The following C6 variants were observed in gnomAD, a reference collection of about 807,000 sequenced individuals.
C6 encodes complement C6.
Under a neutral mutation model 112.9 loss-of-function variants are expected in C6, and 101 were observed. The observed-to-expected ratio is 0.89, with a 90% confidence interval of 0.76 to 1.06. The LOEUF is 1.06. Ranked by LOEUF, C6 falls within the 50% of genes least tolerant of loss-of-function variation. The probability of loss-of-function intolerance (pLI) is 0.00; values close to 1 mark genes in which losing one functional copy is unlikely to be tolerated. For missense variants in C6, 1,202 were observed against 1,104.6 expected (o/e 1.09, Z -1.25); for synonymous variants, 431 against 384.1 (o/e 1.12, Z -1.43).
At chr5:41,237,062 C>T (rs373179700) in intron 1 of C6, among the ~76,000 whole-genome samples, 1 of 146,504 alleles carries the variant, frequency 6.8e-6, no homozygotes, top group African/African-American at 2.6e-5. Context: ...CAATAACAGG[C>T]TCTGAAATTG....
At chr5:41,216,266 C>G (rs1019621435), upstream of C6, among the ~76,000 whole-genome samples, 3 of 152,136 alleles carry the variant, frequency 2.0e-5, no homozygotes, top group African/African-American at 7.2e-5. Context: ...CAACTATTCT[C>G]TCAATGACCA....
chr5:41,172,378 G>A (rs1296003082), intron 8 of C6, 31 bp from the exon 9 acceptor site: 3 of 1,610,480 alleles, frequency 1.9e-6, no homozygotes, highest in Non-Finnish European at 2.5e-6. Flanking sequence ...AGAAACCACT[G>A]AGAATGCACC....
At chr5:41,241,257 AGGCTCTGT>A (rs1447145044) in intron 1 of C6, among the ~76,000 whole-genome samples, 1 of 152,208 alleles carries the variant, frequency 6.6e-6, no homozygotes, top group Non-Finnish European at 1.5e-5. Context: ...GGTGGCTCTC[AGGCTCTGT>A]GGAGCTCATG....
intron 3 of C6, among the ~76,000 whole-genome samples, chr5:41,200,413 T>C (rs560815913): frequency 2.6e-5 from 4 of 152,266 alleles, no homozygotes; most frequent in Non-Finnish European, 5.9e-5. Context: ...CAAGGGAGAA[T>C]AGAAATATGA....
At position 41,159,245 on chromosome 5, in the gene C6, C is replaced by T; in HGVS notation, c.1693G>A (p.Asp565Asn). 1 of 1,613,092 alleles carries T rather than the reference C, an allele frequency of 6.2e-7. No homozygotes were observed. ...GAAGACCAACAACCCCACTGTCCGT[C>T]TACTGCATCTGGAACAAAGGAAGAC... ...QSPDYKSNAV[D>N]GQWGCWSSWS... The change falls in exon 12 of 18, where the codon GAC (aspartate) becomes AAC (asparagine). Residue 565 changes from aspartate (D) to asparagine (N), a missense_variant. Coordinates refer to ENST00000337836, the MANE Select transcript of C6 (RefSeq NM_000065.5).
At chr5:41,244,714 C>T (rs1740919584) in intron 1 of C6, among the ~76,000 whole-genome samples, 2 of 112,426 alleles carry the variant, frequency 1.8e-5, no homozygotes, top group Non-Finnish European at 4.0e-5. Flanking sequence ...AAGTCAAACA[C>T]ATTTTTTTTT....
chr5:41,176,656 A>T lies in C6; in HGVS notation c.987T>A (p.Ala329=). 6.2e-7 allele frequency: 1 copy of T among 1,613,740 alleles called. No individual in the cohort carries two copies. The highest frequency in any genetic ancestry group is 8.5e-7 in the Non-Finnish European group (1 of 1,179,712). The change falls in exon 8 of 18, where the codon GCT becomes GCA. Residue 329 remains alanine (A), a synonymous_variant. Transcript: ENST00000337836. ...VMKVLNFTTK[A]KDLHLSDVFL... is the part of the protein sequence containing the mutation. The stretch of plus-strand genomic sequence containing the variant: ...AGACATCAGAAAGGTGCAGATCTTT[A>T]GCTTTCGTTGTGAAGTTTAAGACTT...
chr5:41,247,341 G>A (rs1476686967), intron 1 of C6, among the ~76,000 whole-genome samples: 2 of 151,876 alleles, frequency 1.3e-5, no homozygotes, highest in South Asian at 2.1e-4. Context: ...AAATTTTAGG[G>A]TACAAAACTA....
chr5:41,159,540 C>T (rs770078823), intron 11 of C6: 2 of 866,134 alleles, frequency 2.3e-6, no homozygotes, highest in South Asian at 1.1e-4. Flanking sequence ...GCTTTGGAGG[C>T]CTTTTAAAAA....
intron 1 of C6, among the ~76,000 whole-genome samples, chr5:41,223,129 A>G (rs934707244): frequency 5.9e-5 from 9 of 152,188 alleles, no homozygotes; most frequent in African/African-American, 2.2e-4. Flanking sequence ...ACTGTAATAA[A>G]CAAAAGCTTG....
chr5:41,143,246 T>G (rs571217505), intron 17 of C6, among the ~76,000 whole-genome samples: 45 of 151,988 alleles, frequency 3.0e-4, no homozygotes, highest in Middle Eastern at 6.8e-3. Context: ...AATAGAGAGA[T>G]CTGTATATAA....
chr5:41,164,248 A>T (rs1191236032), intron 9 of C6, among the ~76,000 whole-genome samples: 6 of 152,204 alleles, frequency 3.9e-5, no homozygotes, highest in Non-Finnish European at 8.8e-5. Flanking sequence ...AAAATGAAAT[A>T]ATTCTGTCAT....
At chr5:41,226,117 T>TA (rs929084038) in intron 1 of C6, among the ~76,000 whole-genome samples, 1 of 152,058 alleles carries the variant, frequency 6.6e-6, no homozygotes, top group African/African-American at 2.4e-5. Context: ...CTAATTAAAC[T>TA]AAAGAGCTTC....
At position 41,142,776 on chromosome 5, in the gene C6, C is replaced by T. The variant is rs745537327; in HGVS notation, c.*49G>A. 52 of 1,452,778 alleles carry T rather than the reference C, an allele frequency of 3.6e-5. No individual in the cohort carries two copies. Among genetic ancestry groups the T allele is most frequent in the Non-Finnish European group, 4.7e-5 (49 of 1,034,126 alleles). The allele number at this position is 1,452,778 out of a possible 1,614,324, so 90.0% of individuals were successfully genotyped here. A position where few individuals can be genotyped will look rare whatever the true frequency, so the allele number is the denominator to read the frequency against. On this transcript the variant is annotated 3_prime_UTR_variant, in exon 18 of 18. Transcript: ENST00000337836. ...GAATTCTCATTTGTAGGAGTTGGTTCTTCGGGATGGTAAATCTGTTCATTG... is the reference window on the plus strand; with the variant it reads ...GAATTCTCATTTGTAGGAGTTGGTTTTTCGGGATGGTAAATCTGTTCATTG...
chr5:41,197,256 T>C (rs1486005596), intron 4 of C6, among the ~76,000 whole-genome samples: 1 of 152,180 alleles, frequency 6.6e-6, no homozygotes, highest in Non-Finnish European at 1.5e-5. Context: ...ACTATTATTA[T>C]AAAGAATTAT....
At position 41,195,884 on chromosome 5, in the gene C6, T is replaced by C. The variant is rs183290255; in HGVS notation, c.495A>G (p.Gly165=). The C allele has an allele frequency of 3.9e-4, 625 of 1,613,976 alleles. 3 individuals carry two copies. The highest frequency in any genetic ancestry group is 5.5e-5 in the Non-Finnish European group (65 of 1,179,914). ...CACAGTCCCTTTCATCTGAATTGTC[T>C]CCACAGTCATTTTCTCCATTGCATT... is the stretch of plus-strand genomic sequence containing the variant. The part of the protein sequence containing the change: ...KLECNGENDC[G]DNSDERDCGR... Residue 165 remains glycine (G), a synonymous_variant, in exon 5 of 18, where the codon GGA becomes GGG. Coordinates refer to ENST00000337836, the MANE Select transcript of C6 (RefSeq NM_000065.5).
chr5:41,210,014 CAG>C (rs1390529609), intron 1 of C6, among the ~76,000 whole-genome samples: 1 of 152,116 alleles, frequency 6.6e-6, no homozygotes, highest in Non-Finnish European at 1.5e-5. Flanking sequence ...GGTACCAAAA[CAG>C]AGATATAGAC....
chr5:41,209,934 G>A (rs1160606920), intron 1 of C6, among the ~76,000 whole-genome samples: 2 of 152,272 alleles, frequency 1.3e-5, no homozygotes, highest in African/African-American at 4.8e-5. Flanking sequence ...AAAGAACAAA[G>A]CTGGAGGCAT....
intron 5 of C6, among the ~76,000 whole-genome samples, chr5:41,193,540 C>T (rs1750376382): frequency 6.6e-6 from 1 of 152,042 alleles, no homozygotes; most frequent in African/African-American, 2.4e-5. Flanking sequence ...CATGTATTTT[C>T]ACATATATAT....
Sources: allele counts gnomAD v4.1 joint callset (sites outside exome capture counted in the v4.1 genomes callset), GRCh38; gene constraint gnomAD v4.1.1; transcripts MANE v1.5; gene names NCBI Gene and HGNC (gene_info 2026-07-23, HGNC 2026-07-21).